TRIP11: variants seen among roughly 807,000 people sequenced by gnomAD.
The protein encoded by TRIP11 is thyroid hormone receptor interactor 11.
A neutral mutation model predicts 223.1 loss-of-function variants in TRIP11; 148 were observed. The ratio of observed to expected loss-of-function variants is 0.66; its 90% CI spans 0.58 to 0.76. TRIP11 has a LOEUF of 0.76. Ranked by LOEUF, TRIP11 falls within the 30% of genes least tolerant of loss-of-function variation. TRIP11 has a pLI of 0.00. For synonymous variants in TRIP11, 762 were observed against 772.6 expected, an observed-to-expected ratio of 0.99 and a Z score of 0.23; for missense variants, 2,043 against 2,222.0, an observed-to-expected ratio of 0.92 and a Z score of 1.62.
chr14:91,999,543 A>C lies in TRIP11; in HGVS notation c.4699-110T>G, dbSNP rs988036440. ...TATTGAAGATATTAATTGTATACCA[A>C]TTTCTCATACTGCAAAATGTATTTA... On this transcript the variant is annotated intron_variant, in intron 12 of 20. Coordinates refer to ENST00000267622, the MANE Select transcript of TRIP11 (RefSeq NM_004239.4). 2.6e-6 allele frequency: 3 copies of C among 1,142,592 alleles called. No homozygotes were observed. The African/African-American group carries it at 4.6e-5, about 18-fold the overall frequency. The allele number at this position is 1,142,592 out of a possible 1,614,324, so 70.8% of individuals were successfully genotyped here. A position where few individuals can be genotyped will look rare whatever the true frequency, so the allele number is the denominator to read the frequency against.
rs187991503 is a variant in TRIP11 at position 91,992,201 on chromosome 14, G to A, written c.5160+1608C>T. Among the ~76,000 whole-genome samples, 6 of 151,200 alleles carry A rather than the reference G, an allele frequency of 4.0e-5. No individual in the cohort carries two copies. The East Asian group carries it at 7.7e-4, about 20-fold the overall frequency. ...AACCAAACAATGGATTGTTTGGAGC[G>A]TCAAACCTATGTGATAAGAACCATA... On this transcript the variant is annotated intron_variant, in intron 15 of 20. Transcript: ENST00000267622.
intron 13 of TRIP11, among the ~76,000 whole-genome samples, chr14:91,996,157 C>T (rs2056748372): frequency 6.6e-6 from 1 of 152,152 alleles, no homozygotes; most frequent in Non-Finnish European, 1.5e-5. Context: ...TAGTAATTCC[C>T]CTTTCCCTTG....
At chr14:91,985,216 G>C (rs1051429580) in intron 16 of TRIP11, among the ~76,000 whole-genome samples, 1 of 151,562 alleles carries the variant, frequency 6.6e-6, no homozygotes, top group Non-Finnish European at 1.5e-5. Context: ...ACTAACCTAC[G>C]GGGTATCTAC....
chr14:91,977,002 A>G (rs1249288257), intron 16 of TRIP11: 9 of 249,658 alleles, frequency 3.6e-5, no homozygotes, highest in African/African-American at 2.1e-4. Flanking sequence ...AGAAACGAAT[A>G]GTTTGAGCTG....
intron 19 of TRIP11, among the ~76,000 whole-genome samples, chr14:91,974,174 T>C (rs2056434793): frequency 6.6e-6 from 1 of 152,232 alleles, no homozygotes; most frequent in Admixed American, 6.5e-5. Flanking sequence ...CCTTCGAGAA[T>C]CTAAGTTTTA....
At chr14:91,975,337 C>G in intron 17 of TRIP11, 51 bp from the exon 18 acceptor site, 1 of 1,164,900 alleles carries the variant, frequency 8.6e-7, no homozygotes, top group Non-Finnish European at 1.3e-6. Context: ...ATTAAGTACA[C>G]TCAAACACTA....
chr14:91,996,439 G>T (rs2056751804), intron 13 of TRIP11, among the ~76,000 whole-genome samples: 1 of 152,184 alleles, frequency 6.6e-6, no homozygotes, highest in African/African-American at 2.4e-5. Context: ...CCCTTTGAGA[G>T]GCCAAGGCAA....
intron 5 of TRIP11, among the ~76,000 whole-genome samples, chr14:92,016,298 G>A (rs774458403): frequency 5.9e-5 from 9 of 152,062 alleles, no homozygotes; most frequent in South Asian, 2.1e-4. Context: ...TCAACCTGGC[G>A]CCTTCCTACC....
intron 1 of TRIP11, among the ~76,000 whole-genome samples, chr14:92,038,691 C>T (rs1398167101): frequency 6.6e-6 from 1 of 151,824 alleles, no homozygotes; most frequent in African/African-American, 2.4e-5. Flanking sequence ...ATACAATTGT[C>T]AAAGCAGCAG....
At chr14:91,993,051 A>G in intron 15 of TRIP11, among the ~76,000 whole-genome samples, 1 of 151,514 alleles carries the variant, frequency 6.6e-6, no homozygotes. Context: ...TGTGAAATAT[A>G]GATGGAATAG....
intron 16 of TRIP11, among the ~76,000 whole-genome samples, chr14:91,980,436 A>G (rs1488474423): frequency 6.6e-6 from 1 of 152,232 alleles, no homozygotes; most frequent in African/African-American, 2.4e-5. Context: ...AGTGGATATG[A>G]ATCATGGTCC....
At chr14:91,971,523 G>A (rs1466919812) in intron 20 of TRIP11, among the ~76,000 whole-genome samples, 1 of 151,314 alleles carries the variant, frequency 6.6e-6, no homozygotes, top group Non-Finnish European at 1.5e-5. Flanking sequence ...TAGGAAAGAG[G>A]AAGAAAAGTG....
At chr14:92,038,122 A>T (rs1424357085) in intron 1 of TRIP11, among the ~76,000 whole-genome samples, 1 of 152,190 alleles carries the variant, frequency 6.6e-6, no homozygotes, top group South Asian at 2.1e-4. Flanking sequence ...TAGGAGATGA[A>T]AAAAGACATA....
At chr14:91,995,893 G>C (rs931360998) in intron 13 of TRIP11, among the ~76,000 whole-genome samples, 1 of 149,760 alleles carries the variant, frequency 6.7e-6, no homozygotes, top group African/African-American at 2.5e-5. Flanking sequence ...TGGGATTACA[G>C]GCATGAGCCA....
Position 92,004,621 on chromosome 14 carries a change from A to T in TRIP11, c.3355T>A (p.Tyr1119Asn). Reference sequence around the variant, plus strand: ...GCAACAATATCCATCATTTTGTGATATTCTGTTTTTAGATGGCTATTTTCC... The same window carrying T: ...GCAACAATATCCATCATTTTGTGATTTTCTGTTTTTAGATGGCTATTTTCC... ...TRENSHLKTE[Y>N]HKMMDIVAAK... is the part of the protein sequence containing the mutation. The change falls in exon 11 of 21, where the codon TAT becomes AAT. Residue 1119 changes from tyrosine to asparagine, a missense_variant. By Grantham distance (143) the Tyr-to-Asn change is moderately radical. Coordinates refer to ENST00000267622, the MANE Select transcript of TRIP11 (RefSeq NM_004239.4). 6.2e-7 allele frequency: 1 copy of T among 1,614,168 alleles called. No individual in the cohort carries two copies. The highest frequency in any genetic ancestry group is 8.5e-7 in the Non-Finnish European group (1 of 1,180,026).
chr14:92,020,131 A>G (rs1433585704), intron 4 of TRIP11, among the ~76,000 whole-genome samples: 2 of 152,062 alleles, frequency 1.3e-5, no homozygotes, highest in Admixed American at 1.3e-4. Flanking sequence ...GGGCGCCTGT[A>G]ATCCCAGCTA....
At position 92,015,877 on chromosome 14, in the gene TRIP11, C is replaced by A. The variant is rs1472305246; in HGVS notation, c.658-16G>T. The A allele has an allele frequency of 3.1e-6, 5 of 1,589,716 alleles. No individual in the cohort carries two copies. Among genetic ancestry groups the A allele is most frequent in the Non-Finnish European group, 4.3e-6 (5 of 1,167,226 alleles). ...GTTTTAGTTCCTTAAAAAATAAAAA[C>A]AAAGTTATTCACATTTATAATCAAT... is the stretch of plus-strand genomic sequence containing the variant. On this transcript the variant is annotated splice_polypyrimidine_tract_variant and intron_variant, in intron 5 of 20. Transcript: ENST00000267622.
chr14:91,998,412 G>A (rs891874936), intron 13 of TRIP11, among the ~76,000 whole-genome samples: 10 of 152,022 alleles, frequency 6.6e-5, no homozygotes, highest in Non-Finnish European at 1.3e-4. Context: ...AAATGACTGC[G>A]TTAATCATGG....
rs780332982 is a variant in TRIP11 at position 91,988,373 on chromosome 14, T to A, written c.5171A>T (p.Asp1724Val). ...GKVISLQECL[D>V]EANAALDSAS... is the part of the protein sequence containing the mutation. ...TGAATCCAATGCAGCATTTGCTTCA[T>A]CCAAACATTCCTGAGAAAGAAAACT... Residue 1724 changes from aspartate (D) to valine (V), a missense_variant, in exon 16 of 21, where the codon GAT (aspartate) becomes GTT (valine). Coordinates refer to ENST00000267622, the MANE Select transcript of TRIP11 (RefSeq NM_004239.4). 6.2e-7 allele frequency: 1 copy of A among 1,613,574 alleles called. No individual in the cohort carries two copies. Among genetic ancestry groups the A allele is most frequent in the African/African-American group, 1.3e-5 (1 of 75,006 alleles).
Sources: allele counts gnomAD v4.1 joint callset (sites outside exome capture counted in the v4.1 genomes callset), GRCh38; gene constraint gnomAD v4.1.1; transcripts MANE v1.5; gene names NCBI Gene and HGNC (gene_info 2026-07-23, HGNC 2026-07-21).